Variants in ARID5B observed in about 807,000 individuals in gnomAD.
ARID5B encodes the protein AT-rich interaction domain 5B, also known as AT-rich interactive domain-containing protein 5B.
In ARID5B, 13 loss-of-function variants were observed where a neutral mutation model predicts 97.2. That is an observed-to-expected ratio of 0.13 (90% confidence interval 0.09 to 0.21). The LOEUF is 0.21. Ranked by LOEUF, ARID5B falls within the 10% of genes least tolerant of loss-of-function variation. The pLI, the probability that ARID5B is intolerant of heterozygous loss-of-function variation, is 1.00. For missense variants in ARID5B, 1,210 were observed against 1,465.3 expected, an observed-to-expected ratio of 0.83 and a Z score of 2.84; for synonymous variants, 556 against 570.3, an observed-to-expected ratio of 0.97 and a Z score of 0.36.
At position 61,963,705 on chromosome 10, in the gene ARID5B, C is replaced by T. The variant is rs540609999; in HGVS notation, c.502+23297C>T. 2.0e-4 allele frequency among the ~76,000 whole-genome samples: 31 copies of T among 152,132 alleles called. No homozygotes were observed. The South Asian group carries it at 6.2e-3, about 31-fold the overall frequency. On this transcript the variant is annotated intron_variant, in intron 3 of 9. Transcript: ENST00000279873. ...GAGGGTGTTAGTGGGAGGTTGAGAA[C>T]TGCTTGGTGCATTCTTGATTTCTGT...
At chr10:62,061,821 G>A (rs759510074) in intron 7 of ARID5B, among the ~76,000 whole-genome samples, 2 of 152,150 alleles carry the variant, frequency 1.3e-5, no homozygotes, top group Non-Finnish European at 2.9e-5. Flanking sequence ...TTATGCCAAC[G>A]TGGCATAATT....
At position 62,094,175 on chromosome 10, in the gene ARID5B, G is replaced by A; in HGVS notation, c.*1145G>A. ...TTAGGAATTTCAGAAATTAGAACAG[G>A]AGCCAAAATGATTTACATTGGCGTT... On this transcript the variant is annotated 3_prime_UTR_variant, in exon 10 of 10. Transcript: ENST00000279873. The A allele has an allele frequency of 4.3e-6, 1 of 232,914 alleles. No individual in the cohort carries two copies. Among genetic ancestry groups the A allele is most frequent in the Non-Finnish European group, 8.5e-6 (1 of 117,774 alleles). 14.4% of individuals were successfully genotyped at this position (232,914 alleles called of 1,614,324 possible).
Position 61,902,060 on chromosome 10 carries a change from A to AT in ARID5B, c.22-97dup, listed in dbSNP as rs1485005574. ...GCGTTATATCTGTTGGGTCGTCTGT[A>AT]TTAAGAGAGTGGATGTCTGTGTGTA... On this transcript the variant is annotated intron_variant, in intron 1 of 9. Transcript: ENST00000279873. 3.5e-6 allele frequency: 5 copies of AT among 1,430,012 alleles called. No individual in the cohort carries two copies. In the African/African-American group the frequency reaches 7.4e-5, roughly 21 times the overall value. 88.6% of individuals were successfully genotyped at this position (1,430,012 alleles called of 1,614,324 possible). A position where few individuals can be genotyped will look rare whatever the true frequency, so the allele number is the denominator to read the frequency against.
chr10:61,926,784 T>A (rs997360319), intron 2 of ARID5B, among the ~76,000 whole-genome samples: 2 of 151,658 alleles, frequency 1.3e-5, no homozygotes, highest in Non-Finnish European at 2.9e-5. Context: ...AGTTTTTGGG[T>A]TTTTTTGTAT....
intron 2 of ARID5B, among the ~76,000 whole-genome samples, chr10:61,932,266 G>T (rs1249830174): frequency 6.6e-5 from 10 of 152,110 alleles, no homozygotes; most frequent in Admixed American, 6.5e-4. Flanking sequence ...AAATGCTGAA[G>T]ATCATCTGAG....
rs566351284 is a variant in ARID5B at position 62,039,061 on chromosome 10, T to C, written c.734-11827T>C. ...AGCTTTTGCCCAAATAAGGATCCCT[T>C]TTGTGCAGACCCCATGTGTTAGATA... On this transcript the variant is annotated intron_variant, in intron 4 of 9. Transcript: ENST00000279873. Among the ~76,000 whole-genome samples the C allele has an allele frequency of 1.1e-4, 17 of 152,306 alleles. No homozygotes were observed. In the East Asian group the frequency reaches 3.3e-3, roughly 29 times the overall value.
Position 62,000,468 on chromosome 10 carries a change from C to T in ARID5B, c.733+147C>T, listed in dbSNP as rs552278879. On this transcript the variant is annotated intron_variant, in intron 4 of 9. Transcript: ENST00000279873. The surrounding 1 kb of genome is among the most constrained non-coding windows in gnomAD (Gnocchi z 4.4). ...ACCCCTCCCATCCCCCAAATTATTG[C>T]GGCATAAGGCGTCATTGCCTCCTTC... 1.9e-5 allele frequency: 13 copies of T among 667,054 alleles called. No individual in the cohort carries two copies. Among genetic ancestry groups the T allele is most frequent in the Non-Finnish European group, 3.2e-5 (13 of 401,260 alleles). 41.3% of individuals were successfully genotyped at this position (667,054 alleles called of 1,614,324 possible).
At chr10:62,012,101 A>G (rs918437276) in intron 4 of ARID5B, among the ~76,000 whole-genome samples, 1 of 152,196 alleles carries the variant, frequency 6.6e-6, no homozygotes, top group African/African-American at 2.4e-5. Flanking sequence ...AAGTAGAGTA[A>G]TAATAATAAT....
At chr10:62,041,666 A>G (rs1019105087) in intron 4 of ARID5B, among the ~76,000 whole-genome samples, 21 of 152,226 alleles carry the variant, frequency 1.4e-4, no homozygotes, top group Admixed American at 6.5e-5. Flanking sequence ...ATCCACATAC[A>G]CACCAAAACA....
intron 2 of ARID5B, among the ~76,000 whole-genome samples, chr10:61,926,604 TTTTA>T (rs1388793608): frequency 1.3e-5 from 2 of 151,922 alleles, no homozygotes; most frequent in Admixed American, 1.3e-4. Context: ...TATTGTTATA[TTTTA>T]TTTATTTATT....
chr10:62,049,016 G>T (rs973365439), intron 4 of ARID5B, among the ~76,000 whole-genome samples: 1 of 152,200 alleles, frequency 6.6e-6, no homozygotes, highest in African/African-American at 2.4e-5. Flanking sequence ...TAGCACTTGG[G>T]TCAGTTGTGG....
At chr10:61,947,694 A>G (rs1046757109) in intron 3 of ARID5B, among the ~76,000 whole-genome samples, 1 of 152,222 alleles carries the variant, frequency 6.6e-6, no homozygotes, top group Non-Finnish European at 1.5e-5. Context: ...ATTGCCTTGT[A>G]ATAGTGGTAG....
At chr10:61,933,093 C>T (rs1844239769) in intron 2 of ARID5B, among the ~76,000 whole-genome samples, 1 of 152,024 alleles carries the variant, frequency 6.6e-6, no homozygotes, top group African/African-American at 2.4e-5. Flanking sequence ...CAAAACAAAA[C>T]AAAAAAACAT....
chr10:62,023,430 C>T (rs542287089), intron 4 of ARID5B, among the ~76,000 whole-genome samples: 1 of 152,322 alleles, frequency 6.6e-6, no homozygotes, highest in East Asian at 1.9e-4. Context: ...AGTCTTCTCA[C>T]ACCAACTGAA....
chr10:61,914,658 A>G (rs1422334447), intron 2 of ARID5B, among the ~76,000 whole-genome samples: 1 of 152,226 alleles, frequency 6.6e-6, no homozygotes, highest in Non-Finnish European at 1.5e-5. Context: ...TGTGTTTTCA[A>G]TGAAGTCAAA....
chr10:62,057,631 A>T (rs1453904845), intron 6 of ARID5B, among the ~76,000 whole-genome samples: 3 of 152,124 alleles, frequency 2.0e-5, no homozygotes, highest in African/African-American at 7.2e-5. Context: ...CTTTCTTGTG[A>T]GATAATAATA....
intron 3 of ARID5B, among the ~76,000 whole-genome samples, chr10:61,978,435 A>G (rs924428464): frequency 6.6e-6 from 1 of 152,194 alleles, no homozygotes; most frequent in African/African-American, 2.4e-5. Flanking sequence ...CATTGAATCT[A>G]TAAATTACCT....
intron 2 of ARID5B, among the ~76,000 whole-genome samples, chr10:61,931,267 T>A (rs960139587): frequency 2.1e-4 from 32 of 152,176 alleles, no homozygotes; most frequent in African/African-American, 7.7e-4. Context: ...GAAATAATTT[T>A]AAAATATCTA....
At chr10:61,935,577 G>C (rs1005964616) in intron 2 of ARID5B, among the ~76,000 whole-genome samples, 1 of 152,026 alleles carries the variant, frequency 6.6e-6, no homozygotes, top group Non-Finnish European at 1.5e-5. Context: ...TGGAGGGAGA[G>C]GGTGACTACT....
Sources: allele counts gnomAD v4.1 joint callset (sites outside exome capture counted in the v4.1 genomes callset), GRCh38; gene constraint gnomAD v4.1.1; non-coding constraint Gnocchi (gnomAD v3.1); transcripts MANE v1.5; gene names NCBI Gene and HGNC (gene_info 2026-07-23, HGNC 2026-07-21).